The following MICU1 variants were observed in gnomAD, a reference collection of about 807,000 sequenced individuals.
MICU1 encodes calcium uptake protein 1, mitochondrial.
Under a neutral mutation model 56.8 loss-of-function variants are expected in MICU1, and 45 were observed. That is an observed-to-expected ratio of 0.79 (90% CI 0.62 to 1.02). The LOEUF (loss-of-function observed/expected upper bound fraction) is 1.02, where lower values mean the gene tolerates loss of function less well. MICU1 is among the 50% of genes least tolerant of loss of function. MICU1 has a pLI of 0.00. For synonymous variants in MICU1, 186 were observed against 195.1 expected (o/e 0.95, Z 0.39); for missense variants, 504 against 587.1 (o/e 0.86, Z 1.46).
intron 8 of MICU1, among the ~76,000 whole-genome samples, chr10:72,472,298 C>T (rs890513714): frequency 2.0e-5 from 3 of 152,186 alleles, no homozygotes; most frequent in East Asian, 3.9e-4. Flanking sequence ...TGAGGTATTA[C>T]GATTAATTTA....
intron 1 of MICU1, among the ~76,000 whole-genome samples, chr10:72,569,206 C>CATATATATATATATATATAT (rs1211580394): frequency 1.5e-5 from 1 of 68,060 alleles, no homozygotes; most frequent in African/African-American, 6.2e-5. Context: ...CATATATATG[C>CATATATATATATATATATAT]ATATATATAT....
At chr10:72,571,143 C>T (rs982024971) in intron 1 of MICU1, among the ~76,000 whole-genome samples, 2 of 152,192 alleles carry the variant, frequency 1.3e-5, no homozygotes, top group Non-Finnish European at 2.9e-5. Flanking sequence ...GCGGGCAAAT[C>T]ACTTGAGGTC....
At chr10:72,398,589 A>G (rs544687830) in intron 10 of MICU1, among the ~76,000 whole-genome samples, 1 of 152,342 alleles carries the variant, frequency 6.6e-6, no homozygotes, top group East Asian at 1.9e-4. Context: ...AAATAGACAC[A>G]GTAAGAAATG....
Position 72,431,885 on chromosome 10 carries a change from T to A in MICU1, c.934-8514A>T, listed in dbSNP as rs185118726. 1.0e-3 allele frequency among the ~76,000 whole-genome samples: 157 copies of A among 152,280 alleles called. 1 individual carries two copies. Among genetic ancestry groups the A allele is most frequent in the Middle Eastern group, 0.01 (3 of 294 alleles). On this transcript the variant is annotated intron_variant, in intron 8 of 11. Coordinates refer to ENST00000361114, the MANE Select transcript of MICU1 (RefSeq NM_001195518.2). ...TAACAAAATCAAACATAATAAAAAATCTTTGCTAGAGGAAAAGTGACAACT... is the reference window on the plus strand; with the variant it reads ...TAACAAAATCAAACATAATAAAAAAACTTTGCTAGAGGAAAAGTGACAACT...
At chr10:72,586,496 C>T (rs896153207) in intron 1 of MICU1, among the ~76,000 whole-genome samples, 27 of 151,890 alleles carry the variant, frequency 1.8e-4, no homozygotes, top group African/African-American at 6.3e-4. Flanking sequence ...ACTAAAAATA[C>T]AAAAATTTAG....
rs1202587001 is a variant in MICU1, at chr10:72,475,310, C to T, written c.736-13G>A. 3 of 1,574,346 alleles carry T rather than the reference C, an allele frequency of 1.9e-6. No homozygotes were observed. Among genetic ancestry groups the T allele is most frequent in the Non-Finnish European group, 1.7e-6 (2 of 1,158,590 alleles). Reference sequence around the variant, plus strand: ...TGATGCTCTGAACCTAATACAGAATCAAACCCACATCCAGAAAAATATTAG... The same window carrying T: ...TGATGCTCTGAACCTAATACAGAATTAAACCCACATCCAGAAAAATATTAG... On this transcript the variant is annotated splice_polypyrimidine_tract_variant and intron_variant, in intron 7 of 11. Transcript: ENST00000361114.
At position 72,475,121 on chromosome 10, in the gene MICU1, C is replaced by T. The variant is rs1462467796; in HGVS notation, c.912G>A (p.Gln304=). 48 of 1,609,968 alleles carry T rather than the reference C, an allele frequency of 3.0e-5. No individual in the cohort carries two copies. In the Admixed American group the frequency reaches 7.6e-4, roughly 25 times the overall value. The change falls in exon 8 of 12, where the codon CAG becomes CAA. Residue 304 remains glutamine, a synonymous_variant. Transcript: ENST00000361114. ...KNFLEFQRKL[Q]HDVLKLEFER... ...CTACCTCAAGCTTCAGAACATCATGCTGCAGTTTACGCTGAAATTCGAGGA... is the reference window on the plus strand; with the variant it reads ...CTACCTCAAGCTTCAGAACATCATGTTGCAGTTTACGCTGAAATTCGAGGA...
chr10:72,375,730 C>G, intron 11 of MICU1, 53 bp downstream of exon 11: 1 of 1,542,612 alleles, frequency 6.5e-7, no homozygotes, highest in South Asian at 1.2e-5. Context: ...ACACAAGGGC[C>G]TCTAAGGGCA....
intron 3 of MICU1, 108 bp from the exon 4 acceptor site, chr10:72,551,449 G>T: frequency 1.3e-6 from 1 of 766,506 alleles, no homozygotes; most frequent in Non-Finnish European, 1.8e-6. Flanking sequence ...ATCCTATTTT[G>T]GGAAGAAATT....
Position 72,574,002 on chromosome 10 carries a change from C to A in MICU1, c.-1-7208G>T, listed in dbSNP as rs115541911. On this transcript the variant is annotated intron_variant, in intron 1 of 11. Coordinates refer to ENST00000361114, the MANE Select transcript of MICU1 (RefSeq NM_001195518.2). ...TATCCTGACTTAAAATTTCTGCTTG[C>A]CTTTTTATATTTGATTTACCCCCTT... Among the ~76,000 whole-genome samples the A allele has an allele frequency of 2.7e-3, 408 of 152,230 alleles. 2 individuals are homozygous for A. The highest frequency in any genetic ancestry group is 8.9e-3 in the African/African-American group (370 of 41,534).
At chr10:72,441,779 G>A (rs772398659) in intron 8 of MICU1, among the ~76,000 whole-genome samples, 1 of 151,692 alleles carries the variant, frequency 6.6e-6, no homozygotes, top group African/African-American at 2.4e-5. Flanking sequence ...ACTATGCCCA[G>A]CTATTTTTTT....
chr10:72,485,312 A>C (rs1294435623), intron 6 of MICU1, among the ~76,000 whole-genome samples: 2 of 152,048 alleles, frequency 1.3e-5, no homozygotes, highest in East Asian at 3.8e-4. Flanking sequence ...TCCTGGGCTC[A>C]AGTGATCCTC....
intron 6 of MICU1, among the ~76,000 whole-genome samples, chr10:72,484,614 G>T (rs1866406299): frequency 6.6e-6 from 1 of 152,154 alleles, no homozygotes; most frequent in Non-Finnish European, 1.5e-5. Context: ...TGCAATCCTA[G>T]CACTTTGGGA....
At chr10:72,554,333 A>C (rs887903269) in intron 3 of MICU1, among the ~76,000 whole-genome samples, 29 of 152,382 alleles carry the variant, frequency 1.9e-4, no homozygotes, top group African/African-American at 2.6e-4. Flanking sequence ...GCAACTAGAC[A>C]TTAGGTGTCT....
intron 6 of MICU1, among the ~76,000 whole-genome samples, chr10:72,505,512 G>A (rs111817999): frequency 0.053 from 8,102 of 152,232 alleles, 740 homozygotes; most frequent in African/African-American, 0.18. Context: ...ACATGCACTT[G>A]TATGTTCATC....
rs1449939106 is a variant in MICU1, at chr10:72,475,153, TGATTG to T, written c.875_879del (p.Thr292LysfsTer9). On this transcript the variant is annotated frameshift_variant, in exon 8 of 12. Transcript: ENST00000361114. LOFTEE classifies it high-confidence loss of function. ...TTACGCTGAAATTCGAGGAAGTTTT[TGATTG>T]TCAGCTTTCCCTTCAGATCAGCTCC... 2 of 1,611,600 alleles carry T rather than the reference TGATTG, an allele frequency of 1.2e-6. No individual in the cohort carries two copies. The highest frequency in any genetic ancestry group is 1.7e-6 in the Non-Finnish European group (2 of 1,178,858).
intron 5 of MICU1, among the ~76,000 whole-genome samples, chr10:72,518,067 C>A (rs979013992): frequency 4.2e-4 from 62 of 148,016 alleles, no homozygotes; most frequent in Non-Finnish European, 6.8e-4. Context: ...GAGTGTTGCT[C>A]TGTCCGCCAG....
intron 5 of MICU1, among the ~76,000 whole-genome samples, chr10:72,513,416 C>A (rs1479614111): frequency 6.6e-6 from 1 of 152,122 alleles, no homozygotes. Context: ...TCTCATTTGG[C>A]TGTTGAGTTC....
At chr10:72,411,654 T>C (rs1221840298) in intron 9 of MICU1, among the ~76,000 whole-genome samples, 1 of 152,142 alleles carries the variant, frequency 6.6e-6, no homozygotes, top group Non-Finnish European at 1.5e-5. Context: ...GTTAGAGAGT[T>C]AGGGGACTAA....
Sources: allele counts gnomAD v4.1 joint callset (sites outside exome capture counted in the v4.1 genomes callset), GRCh38; gene constraint gnomAD v4.1.1; transcripts MANE v1.5; gene names NCBI Gene and HGNC (gene_info 2026-07-23, HGNC 2026-07-21).